Variants in SPEF2 observed in about 807,000 individuals in gnomAD.
SPEF2 encodes sperm flagellar and cilia associated 2.
In SPEF2, 187 loss-of-function variants were observed where a neutral mutation model predicts 224.6. The ratio of observed to expected loss-of-function variants is 0.83; its 90% CI spans 0.74 to 0.94. The LOEUF (loss-of-function observed/expected upper bound fraction) is 0.94. Among genes scored for constraint, SPEF2 ranks in the 40% least tolerant of loss-of-function variants. The pLI, the probability that SPEF2 is intolerant of heterozygous loss-of-function variation, is 0.00. For synonymous variants in SPEF2, 715 were observed against 707.3 expected (o/e 1.01, Z -0.17); for missense variants, 2,170 against 2,135.6 (o/e 1.02, Z -0.32).
intron 2 of SPEF2, among the ~76,000 whole-genome samples, chr5:35,635,237 T>C (rs1281784043): frequency 6.6e-6 from 1 of 152,168 alleles, no homozygotes; most frequent in Non-Finnish European, 1.5e-5. Flanking sequence ...TGAATGTTTT[T>C]ATTTCAGTTG....
chr5:35,759,750 T>A, intron 25 of SPEF2, 31 bp downstream of exon 25: 1 of 1,480,048 alleles, frequency 6.8e-7, no homozygotes, highest in Non-Finnish European at 9.1e-7. Context: ...ACACTGTAAT[T>A]GTTTTGAACA....
intron 10 of SPEF2, among the ~76,000 whole-genome samples, chr5:35,672,014 G>C (rs917221239): frequency 6.6e-6 from 1 of 151,506 alleles, no homozygotes; most frequent in African/African-American, 2.4e-5. Context: ...GTCTCTTCAA[G>C]AACTTGTCCT....
intron 23 of SPEF2, among the ~76,000 whole-genome samples, chr5:35,742,580 A>C (rs1288650317): frequency 2.6e-5 from 4 of 151,908 alleles, no homozygotes; most frequent in Non-Finnish European, 5.9e-5. Context: ...AAAAATATGA[A>C]TATATTCCTA....
intron 30 of SPEF2, chr5:35,789,536 C>T: frequency 1.5e-6 from 1 of 654,864 alleles, no homozygotes; most frequent in South Asian, 1.7e-5. Context: ...CAGCCACACA[C>T]TTTCATGGTA....
intron 23 of SPEF2, among the ~76,000 whole-genome samples, chr5:35,744,546 G>T (rs1316069678): frequency 6.6e-6 from 1 of 152,172 alleles, no homozygotes; most frequent in Non-Finnish European, 1.5e-5. Context: ...ACTTGCAAAG[G>T]TTTCACACTG....
intron 25 of SPEF2, among the ~76,000 whole-genome samples, chr5:35,760,295 G>A (rs112634190): frequency 0.028 from 4,306 of 151,722 alleles, 183 homozygotes; most frequent in South Asian, 0.12. Context: ...CCTGGGAGGC[G>A]GAGCTTGCAG....
At chr5:35,728,224 TAGA>T (rs944244883) in intron 21 of SPEF2, among the ~76,000 whole-genome samples, 3 of 152,276 alleles carry the variant, frequency 2.0e-5, no homozygotes, top group Admixed American at 1.3e-4. Flanking sequence ...TTTTTAGAAG[TAGA>T]AGAATATTTT....
chr5:35,636,745 T>G (rs926649910), intron 2 of SPEF2, among the ~76,000 whole-genome samples: 2 of 151,760 alleles, frequency 1.3e-5, no homozygotes, highest in Non-Finnish European at 2.9e-5. Flanking sequence ...GAGGCCAAGG[T>G]GGGTGGATCA....
rs780896773 is a variant in SPEF2, at chr5:35,759,735, A to C, written c.3620+16A>C. Reference sequence around the variant, plus strand: ...GCCAGCTTAGGTAAGGCAGGCTATTATATCACACTGTAATTGTTTTGAACA... The same window carrying C: ...GCCAGCTTAGGTAAGGCAGGCTATTCTATCACACTGTAATTGTTTTGAACA... On this transcript the variant is annotated intron_variant, in intron 25 of 36. Coordinates refer to ENST00000356031, the MANE Select transcript of SPEF2 (RefSeq NM_024867.4). 1 of 1,528,934 alleles carries C rather than the reference A, an allele frequency of 6.5e-7. No individual in the cohort carries two copies. Among genetic ancestry groups the C allele is most frequent in the Non-Finnish European group, 8.9e-7 (1 of 1,125,998 alleles). 94.7% of individuals were successfully genotyped at this position (1,528,934 alleles called of 1,614,324 possible). A position where few individuals can be genotyped will look rare whatever the true frequency, so the allele number is the denominator to read the frequency against.
chr5:35,789,784 T>G (rs1385246968), intron 30 of SPEF2: 6 of 702,172 alleles, frequency 8.5e-6, no homozygotes, highest in Admixed American at 8.0e-5. Context: ...TGACTATTTT[T>G]GGCATCTTGA....
At chr5:35,686,447 A>G (rs568444977) in intron 10 of SPEF2, among the ~76,000 whole-genome samples, 1 of 152,220 alleles carries the variant, frequency 6.6e-6, no homozygotes, top group South Asian at 2.1e-4. Context: ...ATAATTTTTA[A>G]AGATCCTCAA....
At chr5:35,758,251 C>G (rs969763829) in intron 24 of SPEF2, among the ~76,000 whole-genome samples, 1 of 152,120 alleles carries the variant, frequency 6.6e-6, no homozygotes, top group Non-Finnish European at 1.5e-5. Flanking sequence ...CTGTAATTAA[C>G]TAGATACCAT....
intron 21 of SPEF2, among the ~76,000 whole-genome samples, chr5:35,737,837 A>G (rs1420910297): frequency 1.3e-5 from 2 of 152,142 alleles, no homozygotes; most frequent in South Asian, 2.1e-4. Flanking sequence ...CCAACAGTAT[A>G]AAAGTGTTCC....
At chr5:35,783,051 C>G (rs1754565599) in intron 30 of SPEF2, among the ~76,000 whole-genome samples, 1 of 152,130 alleles carries the variant, frequency 6.6e-6, no homozygotes, top group African/African-American at 2.4e-5. Flanking sequence ...AGCATAAGAA[C>G]AGTATGAGTA....
Position 35,800,130 on chromosome 5 carries a change from A to G in SPEF2, c.4993A>G (p.Ile1665Val). The G allele has an allele frequency of 6.2e-7, 1 of 1,614,140 alleles. No individual in the cohort carries two copies. Among genetic ancestry groups the G allele is most frequent in the South Asian group, 1.1e-5 (1 of 91,070 alleles). The change falls in exon 34 of 37, where the codon ATT becomes GTT. Residue 1665 changes from isoleucine to valine, a missense_variant. Ile to Val is a conservative substitution (Grantham distance 29). Coordinates refer to ENST00000356031, the MANE Select transcript of SPEF2 (RefSeq NM_024867.4). ...THVFQQVKAS[I>V]PSAEKTSSTD... ...TGTCTTCCAACAAGTCAAAGCTTCC[A>G]TTCCAAGTGCAGAAAAGGTAATTGC... is the stretch of plus-strand genomic sequence containing the variant.
intron 30 of SPEF2, chr5:35,789,480 A>T (rs1037057017): frequency 2.3e-5 from 15 of 659,524 alleles, no homozygotes; most frequent in Non-Finnish European, 3.6e-5. Context: ...TATTTGGGTG[A>T]TTTCTTTTCT....
chr5:35,732,090 T>C (rs920845612), intron 21 of SPEF2, among the ~76,000 whole-genome samples: 3 of 152,176 alleles, frequency 2.0e-5, no homozygotes, highest in African/African-American at 7.2e-5. Flanking sequence ...AAGATGATCA[T>C]TTGGAGCCTG....
At chr5:35,758,547 C>T (rs756664265) in intron 24 of SPEF2, among the ~76,000 whole-genome samples, 4 of 152,092 alleles carry the variant, frequency 2.6e-5, no homozygotes, top group Non-Finnish European at 4.4e-5. Flanking sequence ...AGGGAATGAC[C>T]GATGCTCATC....
At chr5:35,701,115 G>A (rs1487234005) in intron 16 of SPEF2, among the ~76,000 whole-genome samples, 1 of 152,058 alleles carries the variant, frequency 6.6e-6, no homozygotes, top group African/African-American at 2.4e-5. Flanking sequence ...ACCACATCTG[G>A]GCTGTAAGAA....
Sources: gnomAD v4.1 joint callset for allele counts (sites outside exome capture counted in the v4.1 genomes callset) on GRCh38, gnomAD v4.1.1 for gene constraint, MANE v1.5 for transcripts, NCBI Gene and HGNC (gene_info 2026-07-23, HGNC 2026-07-21) for gene names.